Variants in LINGO2 observed in about 807,000 individuals in gnomAD.
LINGO2 encodes leucine rich repeat and Ig domain containing 2.
A neutral mutation model predicts 30.6 loss-of-function variants in LINGO2; 14 were observed. The ratio of observed to expected loss-of-function variants is 0.46; its 90% CI spans 0.30 to 0.72. The LOEUF is 0.72. Ranked by LOEUF, LINGO2 falls within the 30% of genes least tolerant of loss-of-function variation. The probability of loss-of-function intolerance (pLI) is 0.07; values close to 1 mark genes in which losing one functional copy is unlikely to be tolerated. For synonymous variants in LINGO2, 317 were observed against 288.5 expected, an observed-to-expected ratio of 1.10 and a Z score of -1.00; for missense variants, 729 against 751.7, an observed-to-expected ratio of 0.97 and a Z score of 0.35.
chr9:28,499,018 T>C (rs1463498150), intron 1 of LINGO2, among the ~76,000 whole-genome samples: 1 of 152,188 alleles, frequency 6.6e-6, no homozygotes, highest in Non-Finnish European at 1.5e-5. Context: ...TATGGGGATG[T>C]AACCTATATT....
At chr9:28,691,859 C>T in the LINGO2 span, among the ~76,000 whole-genome samples, 3 of 152,092 alleles carry the variant, frequency 2.0e-5, no homozygotes, top group East Asian at 1.9e-4. Flanking sequence ...CTAAAAACTA[C>T]ATAAATATAG....
At chr9:28,685,524 T>C in the LINGO2 span, among the ~76,000 whole-genome samples, 44 of 152,284 alleles carry the variant, frequency 2.9e-4, no homozygotes, top group African/African-American at 9.9e-4. Context: ...GATTTTCCAT[T>C]TGAGGCTTTT....
chr9:28,189,481 G>GAGGA (rs1819698038), intron 4 of LINGO2, among the ~76,000 whole-genome samples: 1 of 19,398 alleles, frequency 5.2e-5, no homozygotes, highest in Non-Finnish European at 1.0e-4. Flanking sequence ...GGAAGGGAGG[G>GAGGA]AGGAAGGAAG....
At chr9:28,174,782 T>C (rs1224825999) in intron 4 of LINGO2, among the ~76,000 whole-genome samples, 1 of 152,116 alleles carries the variant, frequency 6.6e-6, no homozygotes, top group Admixed American at 6.6e-5. Context: ...TCGAATCCAG[T>C]GCCTGCTCTA....
intron 4 of LINGO2, among the ~76,000 whole-genome samples, chr9:28,054,117 A>G (rs968313731): frequency 6.6e-6 from 1 of 152,050 alleles, no homozygotes; most frequent in Admixed American, 6.6e-5. Flanking sequence ...GAAGCCTGTT[A>G]TAAAAGTCAA....
the LINGO2 span, among the ~76,000 whole-genome samples, chr9:29,061,612 G>A: frequency 0.17 from 26,249 of 151,896 alleles, 2,391 homozygotes; most frequent in East Asian, 0.34. Context: ...AATGATGCGC[G>A]AGAACTGGTT....
intron 1 of LINGO2, among the ~76,000 whole-genome samples, chr9:28,597,015 T>C (rs1236433690): frequency 6.6e-6 from 1 of 152,214 alleles, no homozygotes; most frequent in East Asian, 1.9e-4. Context: ...CAAAGGTATC[T>C]ATCAATTCTT....
chr9:28,003,187 G>A (rs1822051258), intron 5 of LINGO2, among the ~76,000 whole-genome samples: 1 of 152,060 alleles, frequency 6.6e-6, no homozygotes, highest in Non-Finnish European at 1.5e-5. Context: ...ACTGCATGGT[G>A]GTAGGGAGAG....
chr9:28,340,453 T>C (rs1187118286), intron 3 of LINGO2, among the ~76,000 whole-genome samples: 2 of 152,146 alleles, frequency 1.3e-5, no homozygotes, highest in Non-Finnish European at 1.5e-5. Context: ...TGTAATTATA[T>C]GAAATTTGAT....
the LINGO2 span, among the ~76,000 whole-genome samples, chr9:29,209,901 T>C: frequency 4.6e-5 from 7 of 152,066 alleles, no homozygotes; most frequent in East Asian, 7.7e-4. Context: ...CACAACCAAA[T>C]TGGAGAATCA....
the LINGO2 span, among the ~76,000 whole-genome samples, chr9:29,147,416 T>C: frequency 6.6e-6 from 1 of 152,110 alleles, no homozygotes; most frequent in Non-Finnish European, 1.5e-5. Flanking sequence ...CAAGCTTAAT[T>C]AGCACACAAA....
chr9:28,959,447 A>G, the LINGO2 span, among the ~76,000 whole-genome samples: 1 of 152,078 alleles, frequency 6.6e-6, no homozygotes, highest in Non-Finnish European at 1.5e-5. Context: ...GAGTAAATTA[A>G]AGGAAGATGT....
the LINGO2 span, among the ~76,000 whole-genome samples, chr9:28,675,824 T>A: frequency 4.9e-4 from 73 of 148,174 alleles, no homozygotes; most frequent in African/African-American, 1.6e-3. Context: ...TGAGCCGAGA[T>A]CATGCCACTG....
chr9:28,919,891 C>A, the LINGO2 span, among the ~76,000 whole-genome samples: 1 of 152,088 alleles, frequency 6.6e-6, no homozygotes. Context: ...GGTATAATCA[C>A]GCTATAATGT....
chr9:28,803,234 T>C, the LINGO2 span, among the ~76,000 whole-genome samples: 2 of 151,970 alleles, frequency 1.3e-5, no homozygotes, highest in African/African-American at 2.4e-5. Context: ...AAACAGAAGT[T>C]TTAAAAAATG....
intron 2 of LINGO2, among the ~76,000 whole-genome samples, chr9:28,405,956 T>C (rs1263461882): frequency 6.6e-6 from 1 of 152,214 alleles, no homozygotes; most frequent in African/African-American, 2.4e-5. Context: ...ATTAGCAAGG[T>C]ATTAAGGTAC....
the LINGO2 span, among the ~76,000 whole-genome samples, chr9:29,181,330 G>GTT: frequency 2.0e-5 from 3 of 152,088 alleles, no homozygotes; most frequent in Admixed American, 6.5e-5. Flanking sequence ...AACACAAAGT[G>GTT]ACTTTATTAT....
chr9:28,316,863 AC>A (rs1824863606), intron 3 of LINGO2, among the ~76,000 whole-genome samples: 1 of 152,124 alleles, frequency 6.6e-6, no homozygotes, highest in African/African-American at 2.4e-5. Flanking sequence ...ATTTTTAAGC[AC>A]CCTTATCTGC....
At chr9:28,483,552 A>T (rs1252134268) in intron 1 of LINGO2, among the ~76,000 whole-genome samples, 1 of 151,926 alleles carries the variant, frequency 6.6e-6, no homozygotes, top group Admixed American at 6.6e-5. Context: ...ACAGGAAAAA[A>T]AAAAAGATAA....
Sources: allele counts gnomAD v4.1 joint callset (sites outside exome capture counted in the v4.1 genomes callset), GRCh38; gene constraint gnomAD v4.1.1; transcripts MANE v1.5; gene names NCBI Gene and HGNC (gene_info 2026-07-23, HGNC 2026-07-21).